The following TRPS1 variants were observed in gnomAD, a reference collection of about 807,000 sequenced individuals.
TRPS1 encodes the protein transcriptional repressor GATA binding 1, also known as zinc finger transcription factor Trps1.
Under a neutral mutation model 101.2 loss-of-function variants are expected in TRPS1, and 6 were observed. That is an observed-to-expected ratio of 0.06 (90% CI 0.03 to 0.12). The LOEUF is 0.12. Ranked by LOEUF, TRPS1 falls within the 10% of genes least tolerant of loss-of-function variation. The probability of loss-of-function intolerance (pLI) is 1.00; values close to 1 mark genes in which losing one functional copy is unlikely to be tolerated. For missense variants in TRPS1, 1,363 were observed against 1,567.0 expected, an observed-to-expected ratio of 0.87 and a Z score of 2.20; for synonymous variants, 578 against 589.8, an observed-to-expected ratio of 0.98 and a Z score of 0.29.
chr8:115,488,572 G>T (rs1814944236), intron 5 of TRPS1, among the ~76,000 whole-genome samples: 1 of 152,136 alleles, frequency 6.6e-6, no homozygotes, highest in African/African-American at 2.4e-5. Flanking sequence ...CTACTCAAAA[G>T]GCTGAGGCAG....
intron 3 of TRPS1, among the ~76,000 whole-genome samples, chr8:115,615,622 G>A (rs1281163351): frequency 2.6e-5 from 4 of 152,116 alleles, no homozygotes; most frequent in Admixed American, 6.6e-5. Flanking sequence ...TTAGCTGGGC[G>A]TGGTGGTGCA....
intron 1 of TRPS1, among the ~76,000 whole-genome samples, chr8:115,649,888 G>A (rs1811520165): frequency 3.9e-5 from 6 of 152,200 alleles, no homozygotes; most frequent in Admixed American, 3.9e-4. Context: ...ATGCTGTACA[G>A]CTGGCAATAG....
At chr8:115,574,059 T>G (rs1181722368) in intron 5 of TRPS1, among the ~76,000 whole-genome samples, 1 of 152,190 alleles carries the variant, frequency 6.6e-6, no homozygotes, top group African/African-American at 2.4e-5. Context: ...TCACCATACC[T>G]GTCTTATCAC....
chr8:115,473,971 T>A (rs958083769), intron 5 of TRPS1, among the ~76,000 whole-genome samples: 2 of 152,338 alleles, frequency 1.3e-5, no homozygotes, highest in South Asian at 2.1e-4. Context: ...AAGTCTTTCT[T>A]AGTGAGACAA....
intron 5 of TRPS1, among the ~76,000 whole-genome samples, chr8:115,551,917 A>G (rs1450586127): frequency 6.6e-6 from 1 of 152,204 alleles, no homozygotes; most frequent in African/African-American, 2.4e-5. Context: ...TCTCACCTCC[A>G]TGCAATGCCT....
intron 5 of TRPS1, among the ~76,000 whole-genome samples, chr8:115,528,822 T>C (rs1275822651): frequency 3.3e-5 from 5 of 152,046 alleles, no homozygotes; most frequent in Non-Finnish European, 7.4e-5. Flanking sequence ...TGGTATAACA[T>C]GCAGTTATAA....
At chr8:115,563,010 C>A (rs776686780) in intron 5 of TRPS1, among the ~76,000 whole-genome samples, 6 of 151,074 alleles carry the variant, frequency 4.0e-5, no homozygotes, top group Non-Finnish European at 4.4e-5. Flanking sequence ...ATAGCATGAT[C>A]GAGTAGATTA....
intron 1 of TRPS1, among the ~76,000 whole-genome samples, chr8:115,624,257 G>C (rs1818458169): frequency 6.6e-6 from 1 of 151,886 alleles, no homozygotes; most frequent in African/African-American, 2.4e-5. Flanking sequence ...AGTTCAAAAT[G>C]CCCGTTAGAG....
At position 115,631,522 on chromosome 8, in the gene TRPS1, T is replaced by C. The variant is rs1452460417; in HGVS notation, c.-121-7764A>G. On this transcript the variant is annotated intron_variant, in intron 1 of 6. Coordinates refer to ENST00000395715, the MANE Select transcript of TRPS1 (RefSeq NM_014112.5). ...ACTATTGCAGAGGAATAAAGTATAATAGCATATTGGCACAAGGGACATGCA... is the reference window on the plus strand; with the variant it reads ...ACTATTGCAGAGGAATAAAGTATAACAGCATATTGGCACAAGGGACATGCA... Among the ~76,000 whole-genome samples, 4 of 151,982 alleles carry C rather than the reference T, an allele frequency of 2.6e-5. 1 individual carries two copies. Among genetic ancestry groups the C allele is most frequent in the Non-Finnish European group, 5.9e-5 (4 of 67,984 alleles).
chr8:115,668,105 T>G (rs1407701735), intron 1 of TRPS1: 3 of 605,826 alleles, frequency 5.0e-6, no homozygotes, highest in Non-Finnish European at 5.8e-6. Flanking sequence ...GGATTTGTTT[T>G]TCCTCCTCCC....
chr8:115,560,001 C>T (rs188798612), intron 5 of TRPS1, among the ~76,000 whole-genome samples: 114 of 152,210 alleles, frequency 7.5e-4, no homozygotes, highest in South Asian at 1.4e-3. Flanking sequence ...GTTCCCAAAG[C>T]ACAAGAATGA....
chr8:115,580,986 AC>A (rs1001832231), intron 5 of TRPS1, among the ~76,000 whole-genome samples: 23 of 152,166 alleles, frequency 1.5e-4, no homozygotes, highest in African/African-American at 5.6e-4. Context: ...TAATCAAGAT[AC>A]GGAATCAGCC....
At chr8:115,460,956 T>C (rs1814152428) in intron 5 of TRPS1, among the ~76,000 whole-genome samples, 1 of 152,166 alleles carries the variant, frequency 6.6e-6, no homozygotes, top group South Asian at 2.1e-4. Flanking sequence ...CAAGTAACTA[T>C]AGCTACAGAA....
chr8:115,641,811 C>T (rs895302789), intron 1 of TRPS1, among the ~76,000 whole-genome samples: 4 of 152,030 alleles, frequency 2.6e-5, no homozygotes, highest in African/African-American at 4.8e-5. Context: ...ACCTGGGAGG[C>T]GGAGGTTGCA....
At chr8:115,668,223 G>A (rs1811975956) in intron 1 of TRPS1, 3 of 401,680 alleles carry the variant, frequency 7.5e-6, no homozygotes, top group South Asian at 8.4e-5. Context: ...GAGGAAGGGG[G>A]AAAAAGGGAG....
At chr8:115,535,564 T>C (rs944012017) in intron 5 of TRPS1, among the ~76,000 whole-genome samples, 2 of 149,688 alleles carry the variant, frequency 1.3e-5, no homozygotes, top group East Asian at 3.9e-4. Flanking sequence ...TATATATATA[T>C]AATTAGTATT....
intron 1 of TRPS1, among the ~76,000 whole-genome samples, chr8:115,631,014 A>G (rs2130561224): frequency 6.6e-6 from 1 of 152,236 alleles, no homozygotes; most frequent in East Asian, 1.9e-4. Flanking sequence ...GAATGAATAT[A>G]CAATCTTCCC....
chr8:115,415,029 C>T lies in TRPS1; in HGVS notation c.2879G>A (p.Arg960Lys). 6.3e-7 allele frequency: 1 copy of T among 1,586,084 alleles called. No homozygotes were observed. Among genetic ancestry groups the T allele is most frequent in the Non-Finnish European group, 8.5e-7 (1 of 1,171,480 alleles). The stretch of plus-strand genomic sequence containing the variant: ...TGGGTTAAGGCGCTTTCTTGTTCTC[C>T]TCCTAATAATCTGCTCACCGTTGTT... ...KQNNGEQIIR[R>K]RTRKRLNPEA... The change falls in exon 7 of 7, where the codon AGG becomes AAG. Residue 960 changes from arginine (R) to lysine (K), a missense_variant. By Grantham distance (26) the Arg-to-Lys change is conservative (BLOSUM62 2). Transcript: ENST00000395715.
At chr8:115,579,976 T>C (rs1324933981) in intron 5 of TRPS1, among the ~76,000 whole-genome samples, 1 of 152,050 alleles carries the variant, frequency 6.6e-6, no homozygotes, top group Admixed American at 6.6e-5. Flanking sequence ...TAAAGCTGTG[T>C]TCCAGACTTC....
Sources: gnomAD v4.1 joint callset for allele counts (sites outside exome capture counted in the v4.1 genomes callset) on GRCh38, gnomAD v4.1.1 for gene constraint, MANE v1.5 for transcripts, NCBI Gene and HGNC (gene_info 2026-07-23, HGNC 2026-07-21) for gene names.